BRAF: variants seen among roughly 807,000 people sequenced by gnomAD.
BRAF encodes B-Raf proto-oncogene, serine/threonine kinase.
Under a neutral mutation model 104.6 loss-of-function variants are expected in BRAF, and 16 were observed. The ratio of observed to expected loss-of-function variants is 0.15; its 90% confidence interval spans 0.10 to 0.23. BRAF has a LOEUF of 0.23. BRAF is among the 10% of genes least tolerant of loss of function. The pLI, the probability that BRAF is intolerant of heterozygous loss-of-function variation, is 1.00. For missense variants in BRAF, 541 were observed against 937.3 expected, an observed-to-expected ratio of 0.58 and a Z score of 5.52; for synonymous variants, 310 against 341.6, an observed-to-expected ratio of 0.91 and a Z score of 1.02.
intron 1 of BRAF, among the ~76,000 whole-genome samples, chr7:140,904,752 G>T (rs936269702): frequency 6.6e-6 from 1 of 152,070 alleles, no homozygotes; most frequent in African/African-American, 2.4e-5. Flanking sequence ...GGGACTACAG[G>T]CATGCACCAC....
rs1795428949 is a variant in BRAF at position 140,723,578 on chromosome 7, A to G, written c.*2916T>C. On this transcript the variant is annotated 3_prime_UTR_variant, in exon 20 of 20. Transcript: ENST00000644969. ...CCTTTTATAAACTATTTTTTTGGTC[A>G]ATATTATTTCAGTGGCAAAAGTCTA... 5.7e-6 allele frequency: 6 copies of G among 1,048,484 alleles called. No homozygotes were observed. The African/African-American group carries it at 6.7e-5, about 12-fold the overall frequency. 64.9% of individuals were successfully genotyped at this position (1,048,484 alleles called of 1,614,324 possible). A position where few individuals can be genotyped will look rare whatever the true frequency, so the allele number is the denominator to read the frequency against.
intron 1 of BRAF, among the ~76,000 whole-genome samples, chr7:140,877,482 CTAAA>C (rs1812401900): frequency 6.6e-6 from 1 of 150,958 alleles, no homozygotes; most frequent in Non-Finnish European, 1.5e-5. Flanking sequence ...ACTTGAAGAA[CTAAA>C]TAAACCTAAA....
At chr7:140,848,471 G>A (rs1233714792) in intron 2 of BRAF, among the ~76,000 whole-genome samples, 1 of 152,208 alleles carries the variant, frequency 6.6e-6, no homozygotes, top group Non-Finnish European at 1.5e-5. Flanking sequence ...TCTAAGGTTT[G>A]TTGTTAGTGA....
intron 2 of BRAF, among the ~76,000 whole-genome samples, chr7:140,836,607 G>A (rs1807369156): frequency 6.6e-6 from 1 of 152,126 alleles, no homozygotes. Context: ...GTAGATGAGG[G>A]CATTATAAAC....
At chr7:140,798,272 C>CTTTTTTTTTTTTTTTTTTTTTTTT (rs10525418) in intron 7 of BRAF, among the ~76,000 whole-genome samples, 1 of 115,624 alleles carries the variant, frequency 8.6e-6, no homozygotes, top group Non-Finnish European at 1.7e-5. Flanking sequence ...CTTTTTTTTT[C>CTTTTTTTTTTTTTTTTTTTTTTTT]TTTTTTTTGA....
chr7:140,843,934 G>A (rs868749884), intron 2 of BRAF, among the ~76,000 whole-genome samples: 6 of 152,202 alleles, frequency 3.9e-5, no homozygotes, highest in East Asian at 1.9e-4. Flanking sequence ...GCGTGAACCC[G>A]GGAGGTGGAG....
intron 10 of BRAF, among the ~76,000 whole-genome samples, chr7:140,784,027 G>A (rs185162689): frequency 6.6e-6 from 1 of 152,306 alleles, no homozygotes; most frequent in Admixed American, 6.5e-5. Context: ...ACCTGGTTCA[G>A]AAGAGTTCAG....
intron 2 of BRAF, among the ~76,000 whole-genome samples, chr7:140,840,377 T>C (rs369885737): frequency 1.8e-4 from 17 of 95,370 alleles, no homozygotes; most frequent in Admixed American, 1.4e-3. Context: ...AATAGATAAA[T>C]TGGAATTCCA....
intron 1 of BRAF, among the ~76,000 whole-genome samples, chr7:140,899,871 A>T (rs1815403519): frequency 6.6e-6 from 1 of 152,196 alleles, no homozygotes; most frequent in Admixed American, 6.5e-5. Flanking sequence ...TGCTTCTAAC[A>T]AAAAGAATAT....
rs1817462614 is a variant in BRAF, at chr7:140,915,061, A to C, written c.138+9505T>G. 2.6e-5 allele frequency among the ~76,000 whole-genome samples: 4 copies of C among 151,212 alleles called. No homozygotes were observed. In the South Asian group the frequency reaches 6.3e-4, roughly 24 times the overall value. On this transcript the variant is annotated intron_variant, in intron 1 of 19. Transcript: ENST00000644969. The stretch of plus-strand genomic sequence containing the variant: ...GAGACTCCGTCTCCAAAAAAAAAAA[A>C]AAAAAAAAACCATACCTACTTAAGA...
chr7:140,867,795 A>T (rs879326591), intron 1 of BRAF, among the ~76,000 whole-genome samples: 9 of 152,218 alleles, frequency 5.9e-5, no homozygotes, highest in Non-Finnish European at 1.0e-4. Context: ...CAACAGACAT[A>T]GCATTAATGA....
intron 1 of BRAF, among the ~76,000 whole-genome samples, chr7:140,911,341 C>A (rs926911667): frequency 6.6e-6 from 1 of 152,150 alleles, no homozygotes; most frequent in Non-Finnish European, 1.5e-5. Flanking sequence ...CACATAGATA[C>A]GGCTACTGTC....
rs186742517 is a variant in BRAF, at chr7:140,901,516, G to A, written c.138+23050C>T. The stretch of plus-strand genomic sequence containing the variant: ...AGCTTCCACAGAAATTGTTGAATCA[G>A]GTTGTTAGGTTCCATAGAAAAACCT... On this transcript the variant is annotated intron_variant, in intron 1 of 19. Transcript: ENST00000644969. 2.9e-3 allele frequency among the ~76,000 whole-genome samples: 439 copies of A among 152,280 alleles called. 4 individuals carry two copies. The highest frequency in any genetic ancestry group is 5.2e-3 in the South Asian group (25 of 4,826).
intron 14 of BRAF, among the ~76,000 whole-genome samples, chr7:140,766,848 C>T (rs1799378876): frequency 6.6e-6 from 1 of 152,158 alleles, no homozygotes; most frequent in East Asian, 1.9e-4. Flanking sequence ...CCACACCTGC[C>T]CTACTTTTAA....
At chr7:140,733,063 TAACTA>T (rs1291190542) in intron 19 of BRAF, 1 of 152,226 alleles carries the variant, frequency 6.6e-6, no homozygotes, top group Admixed American at 6.5e-5. Context: ...TTCATTTTCT[TAACTA>T]AAGTCATGAA....
At chr7:140,738,214 C>G (rs900665559) in intron 18 of BRAF, among the ~76,000 whole-genome samples, 2 of 152,118 alleles carry the variant, frequency 1.3e-5, no homozygotes, top group African/African-American at 4.8e-5. Context: ...TTATATCTAC[C>G]CAGCCAACCA....
At chr7:140,829,866 A>T (rs185966336) in intron 3 of BRAF, among the ~76,000 whole-genome samples, 1 of 152,258 alleles carries the variant, frequency 6.6e-6, no homozygotes, top group African/African-American at 2.4e-5. Context: ...TTCCTGTATT[A>T]TGTCTGTGAA....
At chr7:140,773,838 C>CAG (rs1800072241) in intron 14 of BRAF, among the ~76,000 whole-genome samples, 1 of 152,178 alleles carries the variant, frequency 6.6e-6, no homozygotes, top group Admixed American at 6.5e-5. Context: ...AGTCTATGAT[C>CAG]ACTTTTCCAC....
chr7:140,818,119 T>C (rs909207775), intron 3 of BRAF, among the ~76,000 whole-genome samples: 1 of 151,958 alleles, frequency 6.6e-6, no homozygotes, highest in African/African-American at 2.4e-5. Context: ...ACATTTATCA[T>C]AGTGACTGTC....
Sources: gnomAD v4.1 joint callset for allele counts (sites outside exome capture counted in the v4.1 genomes callset) on GRCh38, gnomAD v4.1.1 for gene constraint, MANE v1.5 for transcripts, NCBI Gene and HGNC (gene_info 2026-07-23, HGNC 2026-07-21) for gene names.